The following WAS variants were observed in gnomAD, a reference collection of about 807,000 sequenced individuals.
WAS encodes the protein actin nucleation-promoting factor WAS.
A neutral mutation model predicts 38.9 loss-of-function variants in WAS; 1 was observed. The ratio of observed to expected loss-of-function variants is 0.03; its 90% CI spans 0.01 to 0.12. The LOEUF (loss-of-function observed/expected upper bound fraction) is 0.12, where lower values mean the gene tolerates loss of function less well. Ranked by LOEUF, WAS falls within the 10% of genes least tolerant of loss-of-function variation. The pLI is 1.00. For missense variants in WAS, 311 were observed against 431.2 expected, an observed-to-expected ratio of 0.72 and a Z score of 2.47; for synonymous variants, 182 against 173.6, an observed-to-expected ratio of 1.05 and a Z score of -0.38.
chrX:48,685,869 G>A (rs2062417738), intron 4 of WAS, 33 bp downstream of exon 4: 1 of 1,205,508 alleles, frequency 8.3e-7, no homozygotes, highest in African/African-American at 1.8e-5. Context: ...AAGGAAGTTG[G>A]GCAGAGGTGA....
At chrX:48,683,533 C>G (rs1557006146), upstream of WAS, among the ~76,000 whole-genome samples, 1 of 111,685 alleles carries the variant, frequency 9.0e-6, no homozygotes, top group Admixed American at 9.5e-5. Context: ...GTGCTAAGCT[C>G]TCGCTGCCAG....
chrX:48,687,410 T>C (rs915784484), intron 7 of WAS, among the ~76,000 whole-genome samples: 3 of 108,070 alleles, frequency 2.8e-5, no homozygotes, highest in Non-Finnish European at 5.8e-5. Flanking sequence ...AATGAATGGG[T>C]TGAAGAATGA....
chrX:48,685,377 C>G (rs1455536685), intron 2 of WAS, among the ~76,000 whole-genome samples, 170 bp from the exon 3 acceptor site: 1 of 111,422 alleles, frequency 9.0e-6, no homozygotes, highest in Non-Finnish European at 1.9e-5. Flanking sequence ...CAGACTATAC[C>G]CCACAATCCA....
intron 8 of WAS, 47 bp downstream of exon 8, chrX:48,688,143 C>T: frequency 8.5e-7 from 1 of 1,175,150 alleles, no homozygotes; most frequent in Non-Finnish European, 1.1e-6. Context: ...TTCCACCCAC[C>T]CTTCCAAAGA....
Position 48,688,709 on chromosome X carries a change from C to T in WAS, c.981C>T (p.Pro327=). 6 of 1,185,760 alleles carry T rather than the reference C, an allele frequency of 5.1e-6. No individual in the cohort carries two copies. Among genetic ancestry groups the T allele is most frequent in the Non-Finnish European group, 6.8e-6 (6 of 882,352 alleles). ...CATCTCGAGGAGGGAACCAGCTCCC[C>T]CGGCCCCCTATTGTGGGGGGTAACA... ...PPPSRGGNQL[P]RPPIVGGNKG... Residue 327 remains proline (P), a synonymous_variant, in exon 10 of 12, where the codon CCC becomes CCT. Coordinates refer to ENST00000376701, the MANE Select transcript of WAS (RefSeq NM_000377.3).
chrX:48,687,298 A>C (rs782605030), intron 7 of WAS, among the ~76,000 whole-genome samples: 1 of 111,876 alleles, frequency 8.9e-6, no homozygotes, highest in South Asian at 3.7e-4. Flanking sequence ...GTGGGTGGGC[A>C]GGTGAACAAA....
upstream of WAS, among the ~76,000 whole-genome samples, chrX:48,681,188 G>A (rs1557005717): frequency 9.1e-6 from 1 of 110,248 alleles, no homozygotes; most frequent in Admixed American, 9.6e-5. Flanking sequence ...GTTTTTTTTT[G>A]AGATGGAGTC....
Position 48,689,388 on chromosome X carries a change from C to T in WAS, c.1407C>T (p.Ala469=), listed in dbSNP as rs782264561. The T allele has an allele frequency of 1.5e-5, 18 of 1,209,897 alleles. No individual in the cohort carries two copies. Among genetic ancestry groups the T allele is most frequent in the Non-Finnish European group, 1.9e-5 (17 of 894,917 alleles). Residue 469 remains alanine (A), a synonymous_variant, in exon 11 of 12, where the codon GCC becomes GCT. Transcript: ENST00000376701. ...AGAGCTCAGAGGGACTGGTGGGGGC[C>T]CTGATGCACGTGATGCAGAAGAGAA... ...PPQSSEGLVG[A]LMHVMQKRSR... is the part of the protein sequence containing the mutation.
In WAS at chrX:48,686,847, G is replaced by A. The variant is rs2062421763; in HGVS notation, c.626G>A (p.Ser209Asn). ...GACATCCAGAACCCTGACATCACGA[G>A]TTCACGATACCGTGGGCTCCCAGCA... Reference protein sequence around the residue: ...TVDIQNPDITSSRYRGLPAPG... With the variant: ...TVDIQNPDITNSRYRGLPAPG... Residue 209 changes from serine (S) to asparagine (N), a missense_variant, in exon 7 of 12, where the codon AGT (serine) becomes AAT (asparagine). Physicochemically the swap from Ser to Asn is conservative, Grantham distance 46. This residue lies in a region of WAS where 74 missense variants were observed against 131.2 expected (regional missense o/e 0.56). Transcript: ENST00000376701. The A allele has an allele frequency of 8.3e-7, 1 of 1,212,016 alleles. No individual in the cohort carries two copies. The highest frequency in any genetic ancestry group is 1.1e-6 in the Non-Finnish European group (1 of 895,565).
rs1557006628 is a variant in WAS at position 48,685,989 on chromosome X, T to TGAGTC, written c.505+3_505+7dup. The TGAGTC allele has an allele frequency of 8.3e-7, 1 of 1,211,238 alleles. No homozygotes were observed. The highest frequency in any genetic ancestry group is 2.2e-5 in the Admixed American group (1 of 46,004). ...CACCACCAACACCAGCCAATGAAGGTGAGTCCTCTAGTGCAAGTAGGGGTA... is the reference window on the plus strand; with the variant it reads ...CACCACCAACACCAGCCAATGAAGGTGAGTCGAGTCCTCTAGTGCAAGTAGGGGTA... On this transcript the variant is annotated splice_region_variant and intron_variant, in intron 5 of 11. Coordinates refer to ENST00000376701, the MANE Select transcript of WAS (RefSeq NM_000377.3).
At chrX:48,684,954 T>C (rs782080179) in intron 2 of WAS, among the ~76,000 whole-genome samples, 2 of 111,383 alleles carry the variant, frequency 1.8e-5, no homozygotes, top group Admixed American at 1.9e-4. Flanking sequence ...AAAAAGTCTT[T>C]TCCACAATCC....
At chrX:48,681,904 C>A (rs1267343872), upstream of WAS, among the ~76,000 whole-genome samples, 2 of 111,670 alleles carry the variant, frequency 1.8e-5, no homozygotes, top group Non-Finnish European at 3.8e-5. Context: ...GGAGATGTGC[C>A]GTTCCTCCTT....
rs374811059 is a variant in WAS at position 48,685,062 on chromosome X, T to G, written c.274-485T>G. Among the ~76,000 whole-genome samples, 47 of 111,117 alleles carry G rather than the reference T, an allele frequency of 4.2e-4. 1 individual carries two copies. Among genetic ancestry groups the G allele is most frequent in the African/African-American group, 1.4e-3 (44 of 30,514 alleles). ...TTCCAGATCCCAAGGCTATCAAATA[T>G]CCACCAAACTCCTAAACCATAACTC... On this transcript the variant is annotated intron_variant, in intron 2 of 11. Coordinates refer to ENST00000376701, the MANE Select transcript of WAS (RefSeq NM_000377.3).
intron 7 of WAS, 91 bp from the exon 8 acceptor site, chrX:48,687,963 T>C: frequency 1.0e-6 from 1 of 978,228 alleles, no homozygotes. Flanking sequence ...CCTCAGAGTC[T>C]CTTTGGGCAG....
chrX:48,688,618 A>G (rs2062427688), intron 9 of WAS, 42 bp from the exon 10 acceptor site: 1 of 1,207,347 alleles, frequency 8.3e-7, no homozygotes, highest in African/African-American at 1.8e-5. Context: ...GCTCAGAAGA[A>G]ATCAATGAGA....
Position 48,683,833 on chromosome X carries a change from A to G in WAS, c.-21A>G. On this transcript the variant is annotated 5_prime_UTR_variant, in exon 1 of 12. Transcript: ENST00000376701. ...CCCTGCACCCAGAGCCTCGCCAGAG[A>G]AGACAAGGGCAGAAAGCACCATGAG... The G allele has an allele frequency of 8.3e-7, 1 of 1,209,812 alleles. No individual in the cohort carries two copies. Among genetic ancestry groups the G allele is most frequent in the Non-Finnish European group, 1.1e-6 (1 of 894,295 alleles).
intron 1 of WAS, chrX:48,676,769 C>G (rs1302758240): frequency 1.8e-5 from 2 of 112,792 alleles, no homozygotes; most frequent in African/African-American, 3.2e-5. Flanking sequence ...GTTGGCCGCC[C>G]CTCCCCAGTG....
chrX:48,684,355 T>G lies in WAS; in HGVS notation c.205T>G (p.Cys69Gly), dbSNP rs1156735272. ...AGCTGAGCACTGGACCAAGGAGCATTGTGGGGCTGTGTGCTTCGTGAAGGA... is the reference window on the plus strand; with the variant it reads ...AGCTGAGCACTGGACCAAGGAGCATGGTGGGGCTGTGTGCTTCGTGAAGGA... Reference protein sequence around the residue: ...PGAEHWTKEHCGAVCFVKDNP... With the variant: ...PGAEHWTKEHGGAVCFVKDNP... Residue 69 changes from cysteine to glycine, a missense_variant, in exon 2 of 12, where the codon TGT (cysteine) becomes GGT (glycine). By Grantham distance (159) the Cys-to-Gly change is radical. Coordinates refer to ENST00000376701, the MANE Select transcript of WAS (RefSeq NM_000377.3). The G allele has an allele frequency of 8.3e-7, 1 of 1,209,854 alleles. No individual in the cohort carries two copies. The highest frequency in any genetic ancestry group is 1.1e-6 in the Non-Finnish European group (1 of 895,206).
chrX:48,686,722 C>T, intron 6 of WAS, 59 bp from the exon 7 acceptor site: 1 of 1,187,855 alleles, frequency 8.4e-7, no homozygotes, highest in Non-Finnish European at 1.1e-6. Flanking sequence ...TTTCTTGCCC[C>T]TGTGCTTTGG....
Sources: gnomAD v4.1 joint callset for allele counts (sites outside exome capture counted in the v4.1 genomes callset) on GRCh38, gnomAD v4.1.1 for gene constraint, gnomAD v4.1.1 regional missense constraint, MANE v1.5 for transcripts, NCBI Gene and HGNC (gene_info 2026-07-23, HGNC 2026-07-21) for gene names.